The following PRRC2C variants were observed in gnomAD, a reference collection of about 807,000 sequenced individuals.
PRRC2C encodes the protein protein PRRC2C.
In PRRC2C, 72 loss-of-function variants were observed where a neutral mutation model predicts 317.2. The ratio of observed to expected loss-of-function variants is 0.23; its 90% CI spans 0.19 to 0.28. PRRC2C has a LOEUF of 0.28. Among genes scored for constraint, PRRC2C ranks in the 10% least tolerant of loss-of-function variants. The probability of loss-of-function intolerance (pLI) is 1.00; values close to 1 mark genes in which losing one functional copy is unlikely to be tolerated. For missense variants in PRRC2C, 3,074 were observed against 3,459.7 expected, an observed-to-expected ratio of 0.89 and a Z score of 2.80; for synonymous variants, 1,296 against 1,205.9, an observed-to-expected ratio of 1.07 and a Z score of -1.55.
rs1651798891 is a variant in PRRC2C at position 171,593,459 on chromosome 1, T to G, written c.*1612T>G. 6.6e-6 allele frequency: 1 copy of G among 152,102 alleles called. No homozygotes were observed. The highest frequency in any genetic ancestry group is 2.4e-5 in the African/African-American group (1 of 41,438). 9.4% of individuals were successfully genotyped at this position (152,102 alleles called of 1,614,324 possible). A position where few individuals can be genotyped will look rare whatever the true frequency, so the allele number is the denominator to read the frequency against. On this transcript the variant is annotated 3_prime_UTR_variant, in exon 35 of 35. Coordinates refer to ENST00000647382, the MANE Select transcript of PRRC2C (RefSeq NM_001387844.1). ...CGCACTGTATTAAATATGTAAGGTC[T>G]TATCTACATGGGTTTGATTACAGAA...
chr1:171,550,648 T>G (rs1680041917), intron 18 of PRRC2C, among the ~76,000 whole-genome samples: 1 of 126,576 alleles, frequency 7.9e-6, no homozygotes, highest in Admixed American at 9.0e-5. Flanking sequence ...CCCAGGTGTG[T>G]GATGTTCCCT....
chr1:171,587,038 G>T lies in PRRC2C; in HGVS notation c.7785G>T (p.Leu2595Phe). 1 of 1,610,734 alleles carries T rather than the reference G, an allele frequency of 6.2e-7. No homozygotes were observed. The highest frequency in any genetic ancestry group is 8.5e-7 in the Non-Finnish European group (1 of 1,178,352). The change falls in exon 31 of 35, where the codon TTG (leucine) becomes TTT (phenylalanine). Residue 2595 changes from leucine to phenylalanine, a missense_variant. By Grantham distance (22) the Leu-to-Phe change is conservative (BLOSUM62 0). This residue lies in a region of PRRC2C where 490 missense variants were observed against 663.1 expected (regional missense o/e 0.74). Transcript: ENST00000647382. ...TVPLPASQLSLPNFGSTGQPL... is the reference protein window; with the variant it reads ...TVPLPASQLSFPNFGSTGQPL... The stretch of plus-strand genomic sequence containing the variant: ...CTTTACCAGCATCGCAGCTTTCCTT[G>T]CCTAATTTTGGATCTACAGGGCAAC...
chr1:171,583,272 C>A (rs1649111241), intron 28 of PRRC2C, among the ~76,000 whole-genome samples: 1 of 151,994 alleles, frequency 6.6e-6, no homozygotes, highest in Non-Finnish European at 1.5e-5. Flanking sequence ...CATGTCTGGC[C>A]TTTTCTTTTG....
At chr1:171,514,070 C>T (rs983197162) in intron 3 of PRRC2C, among the ~76,000 whole-genome samples, 15 of 152,202 alleles carry the variant, frequency 9.9e-5, no homozygotes, top group Non-Finnish European at 1.5e-5. Context: ...TTGCTGTTAC[C>T]TCTTTGAATA....
At chr1:171,576,021 G>T (rs927705700) in intron 25 of PRRC2C, among the ~76,000 whole-genome samples, 1 of 152,130 alleles carries the variant, frequency 6.6e-6, no homozygotes, top group Non-Finnish European at 1.5e-5. Flanking sequence ...TCTGTAATCA[G>T]AAGTATATAT....
Position 171,568,170 on chromosome 1 carries a change from G to A in PRRC2C, c.6559-77G>A, listed in dbSNP as rs74483352. 2.4e-5 allele frequency: 36 copies of A among 1,472,334 alleles called. No individual in the cohort carries two copies. The East Asian group carries it at 6.8e-4, about 28-fold the overall frequency. The allele number at this position is 1,472,334 out of a possible 1,614,324, so 91.2% of individuals were successfully genotyped here. ...ACTGCACTCCAGCCTGCATGATAGC[G>A]AGACTCAAAAAAAAGAGGAAGAAGT... is the stretch of plus-strand genomic sequence containing the variant. On this transcript the variant is annotated intron_variant, in intron 22 of 34. Transcript: ENST00000647382.
At chr1:171,501,575 G>A (rs749828338) in intron 1 of PRRC2C, among the ~76,000 whole-genome samples, 1 of 152,122 alleles carries the variant, frequency 6.6e-6, no homozygotes, top group Non-Finnish European at 1.5e-5. Context: ...TATTCAGAAG[G>A]TTTTGTTTTT....
intron 1 of PRRC2C, among the ~76,000 whole-genome samples, chr1:171,488,112 A>G (rs796766264): frequency 2.4e-4 from 31 of 128,460 alleles, no homozygotes; most frequent in African/African-American, 8.9e-4. Context: ...TCCAAGTGCC[A>G]CCCCTAAACA....
In PRRC2C at chr1:171,517,684, C is replaced by G. The variant is rs776649197; in HGVS notation, c.620C>G (p.Ala207Gly). 9 of 1,613,420 alleles carry G rather than the reference C, an allele frequency of 5.6e-6. No individual in the cohort carries two copies. In the South Asian group the frequency reaches 6.6e-5, roughly 12 times the overall value. ...EKLPGQDEST[A>G]GTSEQNDILK... ...CTCCCTGGCCAGGATGAAAGCACAG[C>G]TGGAACATCAGAGCAAAATGATATC... Residue 207 changes from alanine to glycine, a missense_variant, in exon 6 of 35, where the codon GCT (alanine) becomes GGT (glycine). Ala to Gly is a moderately conservative substitution (Grantham distance 60). Transcript: ENST00000647382.
At chr1:171,566,922 C>CTTTT in intron 22 of PRRC2C, 79 bp downstream of exon 22, 1 of 1,239,448 alleles carries the variant, frequency 8.1e-7, no homozygotes, top group Non-Finnish European at 1.1e-6. Flanking sequence ...CAACAGTCTG[C>CTTTT]TTTTTTTTTT....
At chr1:171,550,012 T>C (rs190728924) in intron 17 of PRRC2C, 74 bp from the exon 18 acceptor site, 1 of 1,138,712 alleles carries the variant, frequency 8.8e-7, no homozygotes, top group South Asian at 1.8e-5. Flanking sequence ...TTTTAAGTAC[T>C]ACTGTACTAA....
At position 171,557,759 on chromosome 1, in the gene PRRC2C, T is replaced by G; in HGVS notation, c.5647T>G (p.Ser1883Ala). The change falls in exon 19 of 35, where the codon TCT becomes GCT. Residue 1883 changes from serine to alanine, a missense_variant. Physicochemically the swap from Ser to Ala is moderately conservative, Grantham distance 99. This residue lies in a region of PRRC2C where 640 missense variants were observed against 676.1 expected (regional missense o/e 0.95). Transcript: ENST00000647382. ...TSAPTPAPAA[S>A]SPAAPVITAP... ...AGCTCCAACGCCAGCCCCAGCAGCC[T>G]CTTCCCCAGCTGCCCCAGTCATCAC... The G allele has an allele frequency of 1.9e-6, 3 of 1,550,708 alleles. No homozygotes were observed. In the South Asian group the frequency reaches 3.6e-5, roughly 18 times the overall value.
At chr1:171,545,330 A>G in intron 16 of PRRC2C, 149 bp from the exon 17 acceptor site, 1 of 632,264 alleles carries the variant, frequency 1.6e-6, no homozygotes, top group East Asian at 2.9e-5. Flanking sequence ...TGCTGAACAA[A>G]AGTTACTAAT....
intron 10 of PRRC2C, among the ~76,000 whole-genome samples, chr1:171,525,746 C>T (rs533411651): frequency 1.8e-4 from 28 of 152,154 alleles, no homozygotes; most frequent in Admixed American, 3.3e-4. Context: ...AGACTAAGTA[C>T]TTGAGCTAAT....
chr1:171,560,930 C>G, intron 19 of PRRC2C, 88 bp from the exon 20 acceptor site: 1 of 1,010,562 alleles, frequency 9.9e-7, no homozygotes, highest in Non-Finnish European at 1.6e-6. Context: ...AATAGCTACA[C>G]AGTAGGAGAT....
intron 19 of PRRC2C, among the ~76,000 whole-genome samples, chr1:171,559,470 A>G (rs528970906): frequency 1.3e-5 from 2 of 148,286 alleles, no homozygotes; most frequent in South Asian, 4.3e-4. Flanking sequence ...CAAAGCCTAG[A>G]TGACATCACA....
chr1:171,585,260 C>T (rs1483188806), intron 30 of PRRC2C, among the ~76,000 whole-genome samples: 1 of 152,164 alleles, frequency 6.6e-6, no homozygotes, highest in Non-Finnish European at 1.5e-5. Flanking sequence ...AGAAGCCTCC[C>T]AAAGACCATC....
chr1:171,557,128 C>A (rs1681607447), intron 18 of PRRC2C, 112 bp from the exon 19 acceptor site: 1 of 1,444,400 alleles, frequency 6.9e-7, no homozygotes, highest in Non-Finnish European at 9.1e-7. Context: ...GTTTGAGTAC[C>A]TATTTTGAAA....
chr1:171,500,477 C>CA (rs1668888084), intron 1 of PRRC2C, among the ~76,000 whole-genome samples: 1 of 152,138 alleles, frequency 6.6e-6, no homozygotes, highest in Non-Finnish European at 1.5e-5. Flanking sequence ...TAGCTCACTG[C>CA]AGCCCTGAAC....
Sources: gnomAD v4.1 joint callset for allele counts (sites outside exome capture counted in the v4.1 genomes callset) on GRCh38, gnomAD v4.1.1 for gene constraint, gnomAD v4.1.1 regional missense constraint, MANE v1.5 for transcripts, NCBI Gene and HGNC (gene_info 2026-07-23, HGNC 2026-07-21) for gene names.